Variants in VKORC1L1 observed in about 807,000 individuals in gnomAD.
VKORC1L1 encodes the protein vitamin K epoxide reductase complex subunit 1-like protein 1.
Under a neutral mutation model 18.9 loss-of-function variants are expected in VKORC1L1, and 2 were observed. That is an observed-to-expected ratio of 0.11 (90% CI 0.04 to 0.33). The LOEUF is 0.33. VKORC1L1 is among the 10% of genes least tolerant of loss of function. The pLI is 1.00. For missense variants in VKORC1L1, 123 were observed against 224.1 expected (o/e 0.55, Z 2.88); for synonymous variants, 96 against 100.0 (o/e 0.96, Z 0.24).
At chr7:65,950,815 A>G (rs1305594420) in intron 2 of VKORC1L1, among the ~76,000 whole-genome samples, 5 of 152,264 alleles carry the variant, frequency 3.3e-5, no homozygotes, top group Non-Finnish European at 7.3e-5. Context: ...GTTTGTATAC[A>G]TGCATGTAAA....
chr7:65,949,441 T>C (rs1423835552), intron 2 of VKORC1L1, among the ~76,000 whole-genome samples: 1 of 151,890 alleles, frequency 6.6e-6, no homozygotes, highest in Non-Finnish European at 1.5e-5. Flanking sequence ...ATCGCGCCAT[T>C]GCACTCCAGC....
intron 1 of VKORC1L1, among the ~76,000 whole-genome samples, chr7:65,946,723 C>T (rs939500506): frequency 3.3e-5 from 5 of 152,186 alleles, no homozygotes; most frequent in African/African-American, 1.2e-4. Context: ...CCTCGTCTGG[C>T]TCGTTCACTT....
At chr7:65,917,579 G>GA (rs71971009) in intron 1 of VKORC1L1, among the ~76,000 whole-genome samples, 19,261 of 152,060 alleles carry the variant, frequency 0.13, 1,367 homozygotes, top group Middle Eastern at 0.21. Flanking sequence ...ATTTTATTAT[G>GA]AAAATATGAA....
At chr7:65,898,077 G>GTTTTTTTT (rs71051319) in intron 1 of VKORC1L1, among the ~76,000 whole-genome samples, 2 of 82,970 alleles carry the variant, frequency 2.4e-5, no homozygotes, top group African/African-American at 4.5e-5. Flanking sequence ...TTTGTAGCAG[G>GTTTTTTTT]TTTTTTTTTT....
At chr7:65,952,479 A>G (rs893826014) in intron 2 of VKORC1L1, among the ~76,000 whole-genome samples, 6 of 151,958 alleles carry the variant, frequency 3.9e-5, no homozygotes, top group African/African-American at 1.4e-4. Context: ...GAAAGCATCT[A>G]GGCCCGTGGC....
chr7:65,893,988 C>T (rs998019055), intron 1 of VKORC1L1, among the ~76,000 whole-genome samples: 7 of 151,454 alleles, frequency 4.6e-5, no homozygotes, highest in African/African-American at 1.7e-4. Context: ...GAGTTTCGCT[C>T]CTGTTGCCCA....
intron 1 of VKORC1L1, among the ~76,000 whole-genome samples, chr7:65,909,222 G>T (rs983172286): frequency 6.8e-6 from 1 of 147,734 alleles, no homozygotes. Flanking sequence ...CACCTCAAGC[G>T]ATCCACCCAC....
chr7:65,880,272 A>T (rs544322082), intron 1 of VKORC1L1, among the ~76,000 whole-genome samples: 1 of 152,216 alleles, frequency 6.6e-6, no homozygotes, highest in Non-Finnish European at 1.5e-5. Context: ...TGACAAAAAT[A>T]TATAGAGTTT....
At chr7:65,924,747 T>A (rs1789733111) in intron 1 of VKORC1L1, among the ~76,000 whole-genome samples, 1 of 152,202 alleles carries the variant, frequency 6.6e-6, no homozygotes, top group Non-Finnish European at 1.5e-5. Flanking sequence ...AAAATCTATC[T>A]AGTAATTTTT....
intron 1 of VKORC1L1, among the ~76,000 whole-genome samples, chr7:65,874,886 A>C (rs538039174): frequency 6.6e-6 from 1 of 152,320 alleles, no homozygotes; most frequent in Admixed American, 6.5e-5. Flanking sequence ...TACACTCTAA[A>C]TATTCTCATA....
At chr7:65,874,896 A>T (rs1202129365) in intron 1 of VKORC1L1, among the ~76,000 whole-genome samples, 2 of 152,220 alleles carry the variant, frequency 1.3e-5, no homozygotes, top group Non-Finnish European at 2.9e-5. Context: ...ATATTCTCAT[A>T]GTTATATCCT....
chr7:65,934,547 C>G (rs1011450482), intron 1 of VKORC1L1, among the ~76,000 whole-genome samples: 1 of 152,142 alleles, frequency 6.6e-6, no homozygotes, highest in Non-Finnish European at 1.5e-5. Context: ...TCCCACTCCC[C>G]CAGCCTCTAT....
At chr7:65,907,926 C>T (rs554203479) in intron 1 of VKORC1L1, among the ~76,000 whole-genome samples, 11 of 151,820 alleles carry the variant, frequency 7.2e-5, no homozygotes, top group Non-Finnish European at 1.5e-4. Flanking sequence ...TTCAATGGAG[C>T]GAACACTGGA....
chr7:65,891,986 A>G (rs1789117390), intron 1 of VKORC1L1, among the ~76,000 whole-genome samples: 2 of 151,980 alleles, frequency 1.3e-5, no homozygotes, highest in African/African-American at 4.8e-5. Context: ...CTCTGTCTAC[A>G]TGGGTTCAAT....
At chr7:65,944,997 A>T (rs1315094579) in intron 1 of VKORC1L1, among the ~76,000 whole-genome samples, 3 of 151,892 alleles carry the variant, frequency 2.0e-5, no homozygotes, top group Admixed American at 1.3e-4. Flanking sequence ...GCGGTGGCTG[A>T]TGCCTGTAAT....
chr7:65,917,138 C>CA (rs1424899146), intron 1 of VKORC1L1, among the ~76,000 whole-genome samples: 2 of 152,004 alleles, frequency 1.3e-5, no homozygotes, highest in African/African-American at 2.4e-5. Flanking sequence ...CCCAACGAGA[C>CA]AAAAAAGTGT....
At chr7:65,923,685 G>A (rs1789714977) in intron 1 of VKORC1L1, among the ~76,000 whole-genome samples, 2 of 152,198 alleles carry the variant, frequency 1.3e-5, no homozygotes, top group African/African-American at 2.4e-5. Flanking sequence ...CAAATTAAGA[G>A]TGTGAGACCA....
intron 1 of VKORC1L1, among the ~76,000 whole-genome samples, chr7:65,915,694 G>C (rs956227680): frequency 6.6e-6 from 1 of 150,840 alleles, no homozygotes; most frequent in Admixed American, 6.6e-5. Context: ...GAGTTAGATA[G>C]TAGAGGCATG....
chr7:65,911,773 A>G (rs1248732702), intron 1 of VKORC1L1, among the ~76,000 whole-genome samples: 53 of 152,030 alleles, frequency 3.5e-4, no homozygotes, highest in Admixed American at 3.4e-3. Context: ...TTCTGAACTG[A>G]CCCTGTCGTG....
Sources: allele counts gnomAD v4.1 joint callset (sites outside exome capture counted in the v4.1 genomes callset), GRCh38; gene constraint gnomAD v4.1.1; transcripts MANE v1.5; gene names NCBI Gene and HGNC (gene_info 2026-07-23, HGNC 2026-07-21).